The following CRB1 variants were observed in gnomAD, a reference collection of about 807,000 sequenced individuals.
CRB1 encodes the protein protein crumbs homolog 1.
Under a neutral mutation model 120.0 loss-of-function variants are expected in CRB1, and 83 were observed. The ratio of observed to expected loss-of-function variants is 0.69; its 90% CI spans 0.58 to 0.83. The LOEUF is 0.83. Among genes scored for constraint, CRB1 ranks in the 40% least tolerant of loss-of-function variants. The pLI is 0.00. For missense variants in CRB1, 1,699 were observed against 1,687.6 expected (o/e 1.01, Z -0.12); for synonymous variants, 625 against 612.5 (o/e 1.02, Z -0.30).
chr1:197,449,431 A>G (rs1245072337), intron 11 of CRB1, among the ~76,000 whole-genome samples: 2 of 152,082 alleles, frequency 1.3e-5, no homozygotes, highest in African/African-American at 4.8e-5. Flanking sequence ...CAGTGGCGCA[A>G]TCTCGGCTCA....
At chr1:197,259,861 AG>A in the CRB1 span, among the ~76,000 whole-genome samples, 1 of 152,046 alleles carries the variant, frequency 6.6e-6, no homozygotes, top group East Asian at 1.9e-4. Flanking sequence ...CTTAAAACAA[AG>A]TTTCAGGCCG....
intron 1 of CRB1, among the ~76,000 whole-genome samples, chr1:197,282,038 TAAATA>T (rs1384591109): frequency 1.3e-5 from 2 of 149,230 alleles, no homozygotes; most frequent in Admixed American, 1.3e-4. Flanking sequence ...TACATTTTTA[TAAATA>T]AAATATAAGC....
chr1:197,370,830 C>T (rs1661332505), intron 5 of CRB1, among the ~76,000 whole-genome samples: 1 of 152,154 alleles, frequency 6.6e-6, no homozygotes, highest in African/African-American at 2.4e-5. Flanking sequence ...TAATATCTTA[C>T]TCCTGTCATC....
Position 197,355,357 on chromosome 1 carries a change from G to A in CRB1, c.989-1474G>A, listed in dbSNP as rs140690373. 6.9e-3 allele frequency among the ~76,000 whole-genome samples: 1,055 copies of A among 152,316 alleles called. 8 individuals are homozygous for A. The highest frequency in any genetic ancestry group is 0.01 in the Middle Eastern group (3 of 294). On this transcript the variant is annotated intron_variant, in intron 4 of 11. Transcript: ENST00000367400. ...AGCTAGTGGATCCCACGCAGGGGCC[G>A]CAGGTGGAGCTGCCCGCCAGTCCCG...
At chr1:197,353,810 TAA>T (rs1274639806) in intron 4 of CRB1, among the ~76,000 whole-genome samples, 7 of 64,454 alleles carry the variant, frequency 1.1e-4, no homozygotes, top group African/African-American at 2.5e-4. Context: ...CAAAAATATA[TAA>T]ATAAAAAAAA....
Position 197,328,415 on chromosome 1 carries a change from CT to C in CRB1, c.71-5del, listed in dbSNP as rs1558056512. 1.2e-6 allele frequency: 2 copies of C among 1,600,920 alleles called. No homozygotes were observed. The highest frequency in any genetic ancestry group is 2.7e-5 in the African/African-American group (2 of 74,684). On this transcript the variant is annotated splice_polypyrimidine_tract_variant and splice_region_variant and intron_variant, in intron 1 of 11. Transcript: ENST00000367400. ...ATTTAATCTTGTTACTTTTTATTTC[CT>C]TGTAGATTCCTTTTGCAATAAAAAC...
intron 1 of CRB1, among the ~76,000 whole-genome samples, chr1:197,273,314 A>C (rs1296635993): frequency 6.6e-6 from 1 of 152,152 alleles, no homozygotes; most frequent in African/African-American, 2.4e-5. Context: ...TCCTCATTAC[A>C]TCATATCTAT....
the CRB1 span, among the ~76,000 whole-genome samples, chr1:197,204,574 T>C: frequency 6.6e-6 from 1 of 152,224 alleles, no homozygotes; most frequent in African/African-American, 2.4e-5. Flanking sequence ...CATTTGTATA[T>C]CTTCTTTTGA....
rs1659644353 is a variant in CRB1 at position 197,344,334 on chromosome 1, G to T, written c.706G>T (p.Gly236Cys). 1 of 1,614,028 alleles carries T rather than the reference G, an allele frequency of 6.2e-7. No individual in the cohort carries two copies. The highest frequency in any genetic ancestry group is 1.7e-5 in the Admixed American group (1 of 60,000). The change falls in exon 3 of 12, where the codon GGT becomes TGT. Residue 236 changes from glycine to cysteine, a missense_variant. Gly to Cys is a radical substitution (Grantham distance 159). Transcript: ENST00000367400. ...ATGTTGGTCCCAGCCTTGTTTAAATGGTGCAACTTGTCAGGATGCTCTGGG... is the reference window on the plus strand; with the variant it reads ...ATGTTGGTCCCAGCCTTGTTTAAATTGTGCAACTTGTCAGGATGCTCTGGG... ...DECWSQPCLNGATCQDALGAY... is the reference protein window; with the variant it reads ...DECWSQPCLNCATCQDALGAY...
rs376400616 is a variant in CRB1, at chr1:197,429,986, C to T, written c.2842+372C>T. Reference sequence around the variant, plus strand: ...TGAGGCCTCAGGCAATTCATGTGATCTCCATCATCTAAAGCTTCCTCACCT... The same window carrying T: ...TGAGGCCTCAGGCAATTCATGTGATTTCCATCATCTAAAGCTTCCTCACCT... On this transcript the variant is annotated intron_variant, in intron 8 of 11. Coordinates refer to ENST00000367400, the MANE Select transcript of CRB1 (RefSeq NM_201253.3). Among the ~76,000 whole-genome samples the T allele has an allele frequency of 3.2e-3, 482 of 152,318 alleles. 2 individuals are homozygous for T. The highest frequency in any genetic ancestry group is 8.1e-3 in the South Asian group (39 of 4,828).
chr1:197,415,579 A>G (rs924695144), intron 5 of CRB1, among the ~76,000 whole-genome samples: 2 of 127,646 alleles, frequency 1.6e-5, no homozygotes, highest in African/African-American at 5.7e-5. Context: ...TTATTCACTT[A>G]TTTACACACA....
At chr1:197,362,316 A>T (rs6428397) in intron 5 of CRB1, among the ~76,000 whole-genome samples, 85,826 of 151,966 alleles carry the variant, frequency 0.56, 28,110 homozygotes, top group South Asian at 0.81. Flanking sequence ...AATAAAAATT[A>T]AAAAACAACA....
the CRB1 span, among the ~76,000 whole-genome samples, chr1:197,251,782 G>A: frequency 6.6e-6 from 1 of 151,930 alleles, no homozygotes; most frequent in African/African-American, 2.4e-5. Flanking sequence ...ACACATGCAT[G>A]TGCATGTGGA....
the CRB1 span, among the ~76,000 whole-genome samples, chr1:197,253,882 C>A: frequency 2.6e-5 from 4 of 151,466 alleles, no homozygotes; most frequent in African/African-American, 7.3e-5. Context: ...AGTAAGCCAA[C>A]TGAGAAAAAA....
intron 5 of CRB1, among the ~76,000 whole-genome samples, chr1:197,375,221 T>G (rs1196314892): frequency 6.6e-6 from 1 of 152,168 alleles, no homozygotes; most frequent in African/African-American, 2.4e-5. Flanking sequence ...ACTAAACTCT[T>G]GGGTCAAAGA....
intron 11 of CRB1, chr1:197,443,698 T>C (rs1665567823): frequency 6.6e-6 from 1 of 151,898 alleles, no homozygotes; most frequent in Non-Finnish European, 1.5e-5. Flanking sequence ...TTATGATTTT[T>C]TAAAATAAAT....
chr1:197,411,161 C>T (rs918923199), intron 5 of CRB1, among the ~76,000 whole-genome samples: 4 of 152,134 alleles, frequency 2.6e-5, no homozygotes, highest in African/African-American at 7.2e-5. Flanking sequence ...TATTAGCTTT[C>T]TTTATTGGAG....
intron 5 of CRB1, among the ~76,000 whole-genome samples, chr1:197,397,426 C>T (rs1662826937): frequency 6.6e-6 from 1 of 152,052 alleles, no homozygotes; most frequent in Admixed American, 6.6e-5. Flanking sequence ...AATACACTTA[C>T]TGTAACACAC....
intron 5 of CRB1, among the ~76,000 whole-genome samples, chr1:197,400,065 T>C (rs1662981777): frequency 2.0e-5 from 3 of 152,012 alleles, no homozygotes; most frequent in South Asian, 2.1e-4. Context: ...TTGGGAGCTA[T>C]AGAGTCATAT....
Sources: gnomAD v4.1 joint callset for allele counts (sites outside exome capture counted in the v4.1 genomes callset) on GRCh38, gnomAD v4.1.1 for gene constraint, MANE v1.5 for transcripts, NCBI Gene and HGNC (gene_info 2026-07-23, HGNC 2026-07-21) for gene names.